Variants in PDCD4 observed in about 807,000 individuals in gnomAD.
PDCD4 encodes programmed cell death protein 4.
PDCD4 carries 56 observed loss-of-function variants against 54.0 expected under a neutral mutation model. That is an observed-to-expected ratio of 1.04 (90% CI 0.84 to 1.30). The LOEUF is 1.30. Among genes scored for constraint, PDCD4 ranks in the 50% most tolerant of loss-of-function variants. The pLI is 0.00. For missense variants in PDCD4, 584 were observed against 559.8 expected, an observed-to-expected ratio of 1.04 and a Z score of -0.44; for synonymous variants, 186 against 194.8, an observed-to-expected ratio of 0.95 and a Z score of 0.37.
chr10:110,890,977 G>A (rs1294034272), intron 8 of PDCD4: 2 of 199,242 alleles, frequency 1.0e-5, no homozygotes, highest in Non-Finnish European at 2.0e-5. Flanking sequence ...CTGTTGAAAT[G>A]AGATTTTCTG....
At chr10:110,896,142 GAA>G in intron 11 of PDCD4, 55 bp downstream of exon 11, 1 of 1,335,046 alleles carries the variant, frequency 7.5e-7, no homozygotes, top group Non-Finnish European at 1.0e-6. Context: ...AGATCTTTGG[GAA>G]GGTTAACTGC....
chr10:110,888,226 A>C (rs1564683404), intron 6 of PDCD4, among the ~76,000 whole-genome samples: 1 of 152,076 alleles, frequency 6.6e-6, no homozygotes, highest in African/African-American at 2.4e-5. Flanking sequence ...TTATGATTGA[A>C]TGCTTCACTA....
intron 2 of PDCD4, 66 bp downstream of exon 2, chr10:110,876,136 G>T (rs1845500864): frequency 1.5e-6 from 2 of 1,329,178 alleles, no homozygotes; most frequent in Admixed American, 3.6e-5. Context: ...CTGTCACCCA[G>T]GCTGGAGTGC....
intron 11 of PDCD4, 94 bp from the exon 12 acceptor site, chr10:110,897,934 G>A (rs1448904724): frequency 2.7e-5 from 21 of 780,046 alleles, no homozygotes; most frequent in East Asian, 8.7e-5. Flanking sequence ...AAGCTAACAC[G>A]TAACGAAAAA....
intron 11 of PDCD4, among the ~76,000 whole-genome samples, chr10:110,897,510 C>T (rs1056793378): frequency 1.6e-4 from 25 of 152,318 alleles, no homozygotes; most frequent in African/African-American, 4.6e-4. Flanking sequence ...TTGAGTTTGA[C>T]AAAGCACGAA....
rs370987289 is a variant in PDCD4 at position 110,885,110 on chromosome 10, A to G, written c.442-143A>G. ...CTTGCCTGGCCTAGATTCTATTTTT[A>G]TATGCGATCAATGTATGTAGCATGT... On this transcript the variant is annotated intron_variant, in intron 4 of 11. Transcript: ENST00000280154. 518 of 495,522 alleles carry G rather than the reference A, an allele frequency of 1.0e-3. 4 individuals carry two copies. Among genetic ancestry groups the G allele is most frequent in the South Asian group, 3.1e-3 (104 of 33,446 alleles). 30.7% of individuals were successfully genotyped at this position (495,522 alleles called of 1,614,324 possible). A position where few individuals can be genotyped will look rare whatever the true frequency, so the allele number is the denominator to read the frequency against.
At chr10:110,880,948 A>G (rs986709695) in intron 2 of PDCD4, among the ~76,000 whole-genome samples, 1 of 152,236 alleles carries the variant, frequency 6.6e-6, no homozygotes, top group Non-Finnish European at 1.5e-5. Context: ...GTGAAATAAC[A>G]TGCTTCTTTT....
Position 110,898,419 on chromosome 10 carries a change from CAG to C in PDCD4, c.*332_*333del, listed in dbSNP as rs1396971995. The C allele has an allele frequency of 1.1e-5, 2 of 185,956 alleles. No homozygotes were observed. Among genetic ancestry groups the C allele is most frequent in the Non-Finnish European group, 2.2e-5 (2 of 90,638 alleles). 11.5% of individuals were successfully genotyped at this position (185,956 alleles called of 1,614,324 possible). ...GACTGCCACTCCTTTCTTTCAAGGA[CAG>C]TGTTTTTTGTAGTAAAATCACTGGT... On this transcript the variant is annotated 3_prime_UTR_variant, in exon 12 of 12. Transcript: ENST00000280154.
chr10:110,879,861 T>C (rs1455151800), intron 2 of PDCD4, among the ~76,000 whole-genome samples: 1 of 152,200 alleles, frequency 6.6e-6, no homozygotes, highest in Non-Finnish European at 1.5e-5. Flanking sequence ...TTCCTAAGTA[T>C]GTCAAGAATT....
chr10:110,888,019 C>T (rs111573724), intron 6 of PDCD4, 133 bp downstream of exon 6: 3 of 576,712 alleles, frequency 5.2e-6, no homozygotes, highest in Non-Finnish European at 9.2e-6. Context: ...CGAAATATTC[C>T]GCTAGCATTT....
At chr10:110,881,612 C>T in intron 3 of PDCD4, 77 bp downstream of exon 3, 1 of 1,207,548 alleles carries the variant, frequency 8.3e-7, no homozygotes, top group Non-Finnish European at 1.2e-6. Context: ...CTACACTTTC[C>T]TTGTTCTAGG....
At chr10:110,897,911 G>C in intron 11 of PDCD4, 117 bp from the exon 12 acceptor site, 1 of 541,008 alleles carries the variant, frequency 1.8e-6, no homozygotes, top group Non-Finnish European at 3.1e-6. Flanking sequence ...TTTTTTAATG[G>C]AAAACCCTTT....
At chr10:110,879,386 G>T (rs1845555725) in intron 2 of PDCD4, among the ~76,000 whole-genome samples, 1 of 152,122 alleles carries the variant, frequency 6.6e-6, no homozygotes, top group Non-Finnish European at 1.5e-5. Flanking sequence ...TTACATTTTG[G>T]CTGGGTGCGG....
chr10:110,876,468 G>A (rs1326803140), intron 2 of PDCD4, among the ~76,000 whole-genome samples: 1 of 152,082 alleles, frequency 6.6e-6, no homozygotes, highest in Non-Finnish European at 1.5e-5. Context: ...TTATTTTCAT[G>A]GAAATTCATT....
Position 110,887,800 on chromosome 10 carries a change from A to T in PDCD4, c.691A>T (p.Met231Leu), listed in dbSNP as rs769124369. 2 of 1,613,786 alleles carry T rather than the reference A, an allele frequency of 1.2e-6. No homozygotes were observed. Among genetic ancestry groups the T allele is most frequent in the Non-Finnish European group, 8.5e-7 (1 of 1,179,718 alleles). ...TCTTTCTGACCTTTGTGGGACAGTA[A>T]TGAGCACAACTGATGTGGAAAAATC... ...KLLSDLCGTV[M>L]STTDVEKSFD... Residue 231 changes from methionine (M) to leucine (L), a missense_variant, in exon 6 of 12, where the codon ATG (methionine) becomes TTG (leucine). Physicochemically the swap from Met to Leu is conservative, Grantham distance 15. Transcript: ENST00000280154.
chr10:110,881,631 A>C, intron 3 of PDCD4, 96 bp downstream of exon 3: 1 of 976,692 alleles, frequency 1.0e-6, no homozygotes, highest in South Asian at 1.8e-5. Flanking sequence ...GGAATGAGAG[A>C]GATTCAAAAA....
chr10:110,887,148 C>A (rs1845680612), intron 5 of PDCD4, among the ~76,000 whole-genome samples: 2 of 152,230 alleles, frequency 1.3e-5, no homozygotes, highest in South Asian at 4.1e-4. Flanking sequence ...TACCTTTGGT[C>A]TCATATAATA....
At chr10:110,873,630 A>G (rs528188287) in intron 1 of PDCD4, among the ~76,000 whole-genome samples, 2 of 152,344 alleles carry the variant, frequency 1.3e-5, no homozygotes, top group East Asian at 3.9e-4. Context: ...TATGAAGGAA[A>G]TAGCGTTTGG....
In PDCD4 at chr10:110,898,104, C is replaced by T. The variant is rs201739274; in HGVS notation, c.*16C>T. On this transcript the variant is annotated 3_prime_UTR_variant, in exon 12 of 12. Coordinates refer to ENST00000280154, the MANE Select transcript of PDCD4 (RefSeq NM_014456.5). ...GAGCTACTGAATATAAGAACTCTTG[C>T]AGTCTTAGATGTTATAAAAATATAT... is the stretch of plus-strand genomic sequence containing the variant. 112 of 1,486,766 alleles carry T rather than the reference C, an allele frequency of 7.5e-5. No homozygotes were observed. The highest frequency in any genetic ancestry group is 1.5e-5 in the Non-Finnish European group (16 of 1,089,490). 92.1% of individuals were successfully genotyped at this position (1,486,766 alleles called of 1,614,324 possible).
Sources: gnomAD v4.1 joint callset for allele counts (sites outside exome capture counted in the v4.1 genomes callset) on GRCh38, gnomAD v4.1.1 for gene constraint, MANE v1.5 for transcripts, NCBI Gene and HGNC (gene_info 2026-07-23, HGNC 2026-07-21) for gene names.